SLC26A3: variants seen among roughly 807,000 people sequenced by gnomAD.
The protein encoded by SLC26A3 is solute carrier family 26 member 3.
In SLC26A3, 64 loss-of-function variants were observed where a neutral mutation model predicts 85.6. That is an observed-to-expected ratio of 0.75 (90% CI 0.61 to 0.92). The LOEUF is 0.92. Among genes scored for constraint, SLC26A3 ranks in the 40% least tolerant of loss-of-function variants. The pLI is 0.00. For synonymous variants in SLC26A3, 349 were observed against 336.0 expected (o/e 1.04, Z -0.42); for missense variants, 922 against 927.3 (o/e 0.99, Z 0.07).
Position 107,767,807 on chromosome 7 carries a change from T to G in SLC26A3, c.2164A>C (p.Met722Leu). Residue 722 changes from methionine to leucine, a missense_variant, in exon 19 of 21, where the codon ATG becomes CTG. Transcript: ENST00000340010. ...TTTGAAGTACTGTAATCTTTCTTCATCAAAATATGCAAAACAGCATCATGG... is the reference window on the plus strand; with the variant it reads ...TTTGAAGTACTGTAATCTTTCTTCAGCAAAATATGCAAAACAGCATCATGG... ...TIHDAVLHIL[M>L]KKDYSTSKFN... 6.2e-7 allele frequency: 1 copy of G among 1,613,820 alleles called. No homozygotes were observed. Among genetic ancestry groups the G allele is most frequent in the South Asian group, 1.1e-5 (1 of 91,072 alleles).
chr7:107,793,680 A>G (rs1584412709), intron 3 of SLC26A3, 62 bp downstream of exon 3: 1 of 1,282,694 alleles, frequency 7.8e-7, no homozygotes, highest in East Asian at 2.5e-5. Flanking sequence ...AAAGTCCCTG[A>G]GCTGTACACA....
intron 17 of SLC26A3, among the ~76,000 whole-genome samples, 185 bp from the exon 18 acceptor site, chr7:107,772,293 C>T (rs1794041452): frequency 6.6e-6 from 1 of 152,056 alleles, no homozygotes; most frequent in South Asian, 2.1e-4. Flanking sequence ...GAAATAAACC[C>T]AAACAAAAGA....
At chr7:107,797,500 T>TAAAGAAAATA (rs1554382745) in intron 1 of SLC26A3, among the ~76,000 whole-genome samples, 1 of 150,652 alleles carries the variant, frequency 6.6e-6, no homozygotes, top group African/African-American at 2.5e-5. Context: ...TCTCAAAAAA[T>TAAAGAAAATA]AAAGAAAAGA....
At chr7:107,765,963 G>A (rs1793907102) in intron 20 of SLC26A3, 85 bp from the exon 21 acceptor site, 1 of 1,151,420 alleles carries the variant, frequency 8.7e-7, no homozygotes, top group East Asian at 2.3e-5. Flanking sequence ...GAATTTACCA[G>A]AGTTAACAGG....
At chr7:107,800,669 T>C (rs1315823729) in intron 1 of SLC26A3, among the ~76,000 whole-genome samples, 1 of 152,234 alleles carries the variant, frequency 6.6e-6, no homozygotes, top group African/African-American at 2.4e-5. Flanking sequence ...AGAAAGTTTG[T>C]TGAAATAAAC....
intron 18 of SLC26A3, among the ~76,000 whole-genome samples, chr7:107,769,821 ACTTTTCGAAGGATATGTGTACCACTTGT>A (rs1298833473): frequency 2.0e-5 from 3 of 152,130 alleles, no homozygotes; most frequent in African/African-American, 7.2e-5. Flanking sequence ...CCAATTTTAT[ACTTTTCGAAGGATATGTGTACCACTTGT>A]CTCCTCTCCC....
intron 11 of SLC26A3, among the ~76,000 whole-genome samples, chr7:107,780,254 T>C (rs1794195506): frequency 6.6e-6 from 1 of 152,076 alleles, no homozygotes. Context: ...CATATCTATC[T>C]AGTTCCTGCT....
At chr7:107,797,481 G>A (rs12673380) in intron 1 of SLC26A3, among the ~76,000 whole-genome samples, 84,837 of 151,724 alleles carry the variant, frequency 0.56, 24,506 homozygotes, top group African/African-American at 0.69. Context: ...GTGACAGAGC[G>A]AGACTCCGTC....
intron 6 of SLC26A3, among the ~76,000 whole-genome samples, chr7:107,789,113 C>CTTTT (rs1444704449): frequency 7.2e-5 from 9 of 124,866 alleles, no homozygotes; most frequent in African/African-American, 2.7e-4. Flanking sequence ...CTTTTCTTTT[C>CTTTT]TTTTTCTTTT....
chr7:107,782,434 T>C (rs562485311), intron 11 of SLC26A3, among the ~76,000 whole-genome samples: 1 of 152,286 alleles, frequency 6.6e-6, no homozygotes, highest in South Asian at 2.1e-4. Context: ...GGTAGGGCCA[T>C]TCTCTGAATT....
At position 107,774,919 on chromosome 7, in the gene SLC26A3, T is replaced by C. The variant is rs754396396; in HGVS notation, c.1678-47A>G. 15 of 1,360,256 alleles carry C rather than the reference T, an allele frequency of 1.1e-5. No individual in the cohort carries two copies. The African/African-American group carries it at 1.9e-4, about 17-fold the overall frequency. 84.3% of individuals were successfully genotyped at this position (1,360,256 alleles called of 1,614,324 possible). The stretch of plus-strand genomic sequence containing the variant: ...TACAAGAGTACTGAATATTCTGTTA[T>C]TTATATAGCATAGTTCTAACAACTT... On this transcript the variant is annotated intron_variant, in intron 15 of 20. Coordinates refer to ENST00000340010, the MANE Select transcript of SLC26A3 (RefSeq NM_000111.3).
chr7:107,801,693 C>T (rs1341215752), intron 1 of SLC26A3, among the ~76,000 whole-genome samples: 2 of 152,022 alleles, frequency 1.3e-5, no homozygotes, highest in Non-Finnish European at 2.9e-5. Flanking sequence ...CTTACTTATT[C>T]CCTTATCCAG....
intron 6 of SLC26A3, among the ~76,000 whole-genome samples, chr7:107,788,919 A>G (rs1794345896): frequency 6.7e-6 from 1 of 149,786 alleles, no homozygotes; most frequent in African/African-American, 2.5e-5. Context: ...AAAAGCTGGG[A>G]CTGCAGACAT....
intron 11 of SLC26A3, among the ~76,000 whole-genome samples, chr7:107,780,610 T>C (rs1562877695): frequency 6.6e-6 from 1 of 152,220 alleles, no homozygotes; most frequent in Non-Finnish European, 1.5e-5. Context: ...AAACACAGTG[T>C]ACAAAGAAAA....
At chr7:107,797,210 C>T (rs1184327707) in intron 1 of SLC26A3, among the ~76,000 whole-genome samples, 1 of 152,138 alleles carries the variant, frequency 6.6e-6, no homozygotes, top group Non-Finnish European at 1.5e-5. Context: ...AGAAATCTTT[C>T]CGGCCAGGCG....
At position 107,772,087 on chromosome 7, in the gene SLC26A3, T is replaced by C. The variant is rs537063643; in HGVS notation, c.2029A>G (p.Ile677Val). 3 of 1,611,992 alleles carry C rather than the reference T, an allele frequency of 1.9e-6. No individual in the cohort carries two copies. Among genetic ancestry groups the C allele is most frequent in the East Asian group, 4.5e-5 (2 of 44,836 alleles). Reference sequence around the variant, plus strand: ...CCAACGATATACACATCTACCTTGATCCTGATAAATTCTTGCAAAATCTGT... The same window carrying C: ...CCAACGATATACACATCTACCTTGACCCTGATAAATTCTTGCAAAATCTGT... ...LKSILQEFIR[I>V]KVDVYIVGTD... The change falls in exon 18 of 21, where the codon ATC becomes GTC. Residue 677 changes from isoleucine to valine, a missense_variant. Ile to Val is a conservative substitution (Grantham distance 29, BLOSUM62 3). Coordinates refer to ENST00000340010, the MANE Select transcript of SLC26A3 (RefSeq NM_000111.3).
At chr7:107,767,308 G>A (rs1274783166) in intron 20 of SLC26A3, among the ~76,000 whole-genome samples, 3 of 152,176 alleles carry the variant, frequency 2.0e-5, no homozygotes, top group Non-Finnish European at 4.4e-5. Context: ...GTTGTAAGTG[G>A]TTTGAAAAAC....
At chr7:107,779,000 A>T (rs1794175174) in intron 12 of SLC26A3, among the ~76,000 whole-genome samples, 1 of 152,128 alleles carries the variant, frequency 6.6e-6, no homozygotes, top group Admixed American at 6.5e-5. Flanking sequence ...CTTAAAAAAA[A>T]ATCAGCAAAT....
At chr7:107,768,744 T>C (rs1183504857) in intron 18 of SLC26A3, among the ~76,000 whole-genome samples, 1 of 152,220 alleles carries the variant, frequency 6.6e-6, no homozygotes, top group Non-Finnish European at 1.5e-5. Context: ...CTGAGAAATT[T>C]TCCTCTTGGT....
Sources: allele counts gnomAD v4.1 joint callset (sites outside exome capture counted in the v4.1 genomes callset), GRCh38; gene constraint gnomAD v4.1.1; transcripts MANE v1.5; gene names NCBI Gene and HGNC (gene_info 2026-07-23, HGNC 2026-07-21).